MICB: variants seen among roughly 807,000 people sequenced by gnomAD.
The protein encoded by MICB is MHC class I antigen-related protein B.
In MICB, 27 loss-of-function variants were observed where a neutral mutation model predicts 34.3. The observed-to-expected ratio is 0.79, with a 90% CI of 0.58 to 1.08. MICB has a LOEUF of 1.08. Among genes scored for constraint, MICB ranks in the 50% least tolerant of loss-of-function variants. The probability of loss-of-function intolerance (pLI) is 0.00; values close to 1 mark genes in which losing one functional copy is unlikely to be tolerated. For synonymous variants in MICB, 153 were observed against 187.4 expected, an observed-to-expected ratio of 0.82 and a Z score of 1.50; for missense variants, 426 against 483.1, an observed-to-expected ratio of 0.88 and a Z score of 1.11.
chr6:31,498,206 C>A lies in MICB; in HGVS notation c.13C>A (p.Arg5=). 6.3e-7 allele frequency: 1 copy of A among 1,584,386 alleles called. No individual in the cohort carries two copies. Among genetic ancestry groups the A allele is most frequent in the East Asian group, 2.5e-5 (1 of 40,444 alleles). Residue 5 remains arginine (R), a synonymous_variant, in exon 1 of 6, where the codon CGG becomes AGG. Transcript: ENST00000252229. MGLG[R]VLLFLAVAFP... ...CGACGTAGGGGCCATGGGGCTGGGCCGGGTCCTGCTGTTTCTGGCCGTCGC... is the reference window on the plus strand; with the variant it reads ...CGACGTAGGGGCCATGGGGCTGGGCAGGGTCCTGCTGTTTCTGGCCGTCGC...
rs764262714 is a variant in MICB, at chr6:31,498,245, C to T, written c.52C>T (p.Pro18Ser). ...TCTGGCCGTCGCCTTCCCTTTTGCA[C>T]CCCCGGCAGCCGCCGCTGGTGAGTG... ...LFLAVAFPFAPPAAAAEPHSL... is the reference protein window; with the variant it reads ...LFLAVAFPFASPAAAAEPHSL... Residue 18 changes from proline (P) to serine (S), a missense_variant, in exon 1 of 6, where the codon CCC (proline) becomes TCC (serine). Pro to Ser is a moderately conservative substitution (Grantham distance 74). Coordinates refer to ENST00000252229, the MANE Select transcript of MICB (RefSeq NM_005931.5). The T allele has an allele frequency of 1.2e-5, 19 of 1,575,894 alleles. No individual in the cohort carries two copies. The highest frequency in any genetic ancestry group is 1.6e-5 in the Non-Finnish European group (19 of 1,158,962).
In MICB at chr6:31,507,678, C is replaced by G; in HGVS notation, c.1024+147C>G. On this transcript the variant is annotated intron_variant, in intron 5 of 5. Transcript: ENST00000252229. The surrounding 1 kb of genome is among the most constrained non-coding windows in gnomAD (Gnocchi z 6.0). ...GGGGTATTTGGGAGGGGAATGGGAGCTGCATCTCCATCTACACCCATAAGT... is the reference window on the plus strand; with the variant it reads ...GGGGTATTTGGGAGGGGAATGGGAGGTGCATCTCCATCTACACCCATAAGT... 1.0e-6 allele frequency: 1 copy of G among 964,796 alleles called. No homozygotes were observed. Among genetic ancestry groups the G allele is most frequent in the Non-Finnish European group, 1.5e-6 (1 of 652,476 alleles). The allele number at this position is 964,796 out of a possible 1,614,324, so 59.8% of individuals were successfully genotyped here.
At chr6:31,498,895 C>T (rs1004849028) in intron 1 of MICB, among the ~76,000 whole-genome samples, 1 of 152,166 alleles carries the variant, frequency 6.6e-6, no homozygotes, top group Non-Finnish European at 1.5e-5. Context: ...TCTGAGGCCC[C>T]TGGGTTCCCG....
At chr6:31,505,931 G>A in intron 2 of MICB, 60 bp downstream of exon 2, 1 of 1,530,680 alleles carries the variant, frequency 6.5e-7, no homozygotes, top group Middle Eastern at 1.7e-4. Flanking sequence ...TGGAGACAGA[G>A]AGCAGGGACC....
At position 31,506,340 on chromosome 6, in the gene MICB, A is replaced by G. The variant is rs754021720; in HGVS notation, c.523A>G (p.Lys175Glu). 1 of 1,614,072 alleles carries G rather than the reference A, an allele frequency of 6.2e-7. No homozygotes were observed. The highest frequency in any genetic ancestry group is 1.3e-5 in the African/African-American group (1 of 74,914). Residue 175 changes from lysine to glutamate, a missense_variant, in exon 3 of 6, where the codon AAG (lysine) becomes GAG (glutamate). By Grantham distance (56) the Lys-to-Glu change is moderately conservative. Coordinates refer to ENST00000252229, the MANE Select transcript of MICB (RefSeq NM_005931.5). ...VTNFWKEDAM[K>E]TKTHYRAMQA... ...AAATTTCTGGAAGGAAGATGCCATGAAGACCAAGACACACTATCGCGCTAT... is the reference window on the plus strand; with the variant it reads ...AAATTTCTGGAAGGAAGATGCCATGGAGACCAAGACACACTATCGCGCTAT...
chr6:31,506,064 C>T (rs886687202), intron 2 of MICB, 79 bp from the exon 3 acceptor site: 9 of 1,508,808 alleles, frequency 6.0e-6, no homozygotes, highest in African/African-American at 4.2e-5. Context: ...AGGGAGGGGT[C>T]GCTGCTGGGC....
Position 31,503,949 on chromosome 6 carries a change from CTG to C in MICB, c.71-1631_71-1630del, listed in dbSNP as rs9279324. Reference sequence around the variant, plus strand: ...TTTCTCTACCTCCTTGCCAAACTTGCTGTGTGTGTGTGTGTGTGTGTGTGTGT... The same window carrying C: ...TTTCTCTACCTCCTTGCCAAACTTGCTGTGTGTGTGTGTGTGTGTGTGTGT... On this transcript the variant is annotated intron_variant, in intron 1 of 5. Coordinates refer to ENST00000252229, the MANE Select transcript of MICB (RefSeq NM_005931.5). Among the ~76,000 whole-genome samples, 121 of 97,560 alleles carry C rather than the reference CTG, an allele frequency of 1.2e-3. 1 individual carries two copies. Among genetic ancestry groups the C allele is most frequent in the South Asian group, 8.3e-3 (24 of 2,896 alleles). 64.0% of individuals were successfully genotyped at this position (97,560 alleles called of 152,430 possible). A position where few individuals can be genotyped will look rare whatever the true frequency, so the allele number is the denominator to read the frequency against.
chr6:31,507,586 G>T lies in MICB; in HGVS notation c.1024+55G>T. 1.2e-6 allele frequency: 2 copies of T among 1,606,006 alleles called. No individual in the cohort carries two copies. Among genetic ancestry groups the T allele is most frequent in the Admixed American group, 1.7e-5 (1 of 59,694 alleles). Reference sequence around the variant, plus strand: ...GGAAAGCTCCTTTCTAGGCAGTAGGGTCTCCTCATTGCTCCTGCCCAGACA... The same window carrying T: ...GGAAAGCTCCTTTCTAGGCAGTAGGTTCTCCTCATTGCTCCTGCCCAGACA... On this transcript the variant is annotated intron_variant, in intron 5 of 5. Transcript: ENST00000252229. This position sits in a 1 kb window ranked among gnomAD's most constrained non-coding sequence, Gnocchi z 6.0.
At position 31,500,582 on chromosome 6, in the gene MICB, G is replaced by A. The variant is rs146420414; in HGVS notation, c.70+2319G>A. 1.1e-4 allele frequency among the ~76,000 whole-genome samples: 17 copies of A among 151,816 alleles called. No individual in the cohort carries two copies. The East Asian group carries it at 2.3e-3, about 21-fold the overall frequency. ...ATATTTTTGTACCCATTAACCATCC[G>A]CACTCCCCCACTCCCCACTACCCTT... On this transcript the variant is annotated intron_variant, in intron 1 of 5. Transcript: ENST00000252229.
chr6:31,509,760 T>G (rs1765560903), intron 5 of MICB, 22 bp from the exon 6 acceptor site: 1 of 1,596,224 alleles, frequency 6.3e-7, no homozygotes, highest in Non-Finnish European at 8.5e-7. Flanking sequence ...GTGGAGCATT[T>G]ACCCGTTTCC....
rs1289203103 is a variant in MICB, at chr6:31,505,802, A to T, written c.256A>T (p.Thr86Ser). The T allele has an allele frequency of 1.2e-6, 2 of 1,613,242 alleles. No individual in the cohort carries two copies. The highest frequency in any genetic ancestry group is 2.2e-5 in the South Asian group (2 of 91,082). ...GGGAGCTAAGACCTGGGACACAGAG[A>T]CCGAGGACTTGACAGAGAATGGGCA... ...VLGAKTWDTE[T>S]EDLTENGQDL... Residue 86 changes from threonine (T) to serine (S), a missense_variant, in exon 2 of 6, where the codon ACC becomes TCC. Coordinates refer to ENST00000252229, the MANE Select transcript of MICB (RefSeq NM_005931.5).
At chr6:31,506,879 C>T (rs1032461822) in intron 3 of MICB, 143 bp from the exon 4 acceptor site, 136 of 1,364,286 alleles carry the variant, frequency 1.0e-4, no homozygotes, top group Non-Finnish European at 1.3e-4. Flanking sequence ...GAATTAGGCC[C>T]CAGGGTGAGG....
intron 1 of MICB, among the ~76,000 whole-genome samples, chr6:31,499,550 G>A (rs1302797344): frequency 1.3e-5 from 2 of 151,740 alleles, no homozygotes; most frequent in African/African-American, 4.8e-5. Context: ...CTTTTGTCCG[G>A]GGGGGTCTTC....
chr6:31,507,450 G>A lies in MICB; in HGVS notation c.943G>A (p.Ala315Thr). 1.2e-6 allele frequency: 2 copies of A among 1,614,138 alleles called. No homozygotes were observed. Among genetic ancestry groups the A allele is most frequent in the Non-Finnish European group, 1.7e-6 (2 of 1,180,018 alleles). The change falls in exon 5 of 6, where the codon GCT becomes ACT. Residue 315 changes from alanine to threonine, a missense_variant. Physicochemically the swap from Ala to Thr is moderately conservative, Grantham distance 58. Transcript: ENST00000252229. The surrounding 1 kb of genome is among the most constrained non-coding windows in gnomAD (Gnocchi z 6.0). Reference sequence around the variant, plus strand: ...ACGGACAGACTTTCCATATGTTTCTGCTGCTATGCCATGTTTTGTTATTAT... The same window carrying A: ...ACGGACAGACTTTCCATATGTTTCTACTGCTATGCCATGTTTTGTTATTAT... ...SQRTDFPYVS[A>T]AMPCFVIIII...
At chr6:31,508,843 A>T (rs537872148) in intron 5 of MICB, among the ~76,000 whole-genome samples, 1 of 152,322 alleles carries the variant, frequency 6.6e-6, no homozygotes, top group Admixed American at 6.5e-5. Context: ...AAGCATATTA[A>T]ATAAAACAGG....
chr6:31,505,202 C>A (rs1168157372), intron 1 of MICB, among the ~76,000 whole-genome samples: 1 of 133,636 alleles, frequency 7.5e-6, no homozygotes, highest in Non-Finnish European at 1.8e-5. Context: ...CTCACCCTCA[C>A]CTGTGCACCA....
At chr6:31,503,344 A>G (rs906813478) in intron 1 of MICB, among the ~76,000 whole-genome samples, 2 of 152,232 alleles carry the variant, frequency 1.3e-5, no homozygotes, top group Non-Finnish European at 2.9e-5. Context: ...TAAATTATAC[A>G]TTACATACAT....
chr6:31,498,244 AC>A lies in MICB; in HGVS notation c.56del (p.Pro19ArgfsTer71). 6.4e-7 allele frequency: 1 copy of A among 1,568,372 alleles called. No individual in the cohort carries two copies. ...LFLAVAFPFA[P>X]PAAAAEPHSL... Reference sequence around the variant, plus strand: ...TTCTGGCCGTCGCCTTCCCTTTTGCACCCCCGGCAGCCGCCGCTGGTGAGTG... The same window carrying A: ...TTCTGGCCGTCGCCTTCCCTTTTGCACCCCGGCAGCCGCCGCTGGTGAGTG... On this transcript the variant is annotated frameshift_variant, in exon 1 of 6. Transcript: ENST00000252229. LOFTEE classifies it high-confidence loss of function.
At chr6:31,503,949 C>CTGTGTGTGTGTGTGTGTG (rs9279324) in intron 1 of MICB, among the ~76,000 whole-genome samples, 2 of 97,524 alleles carry the variant, frequency 2.1e-5, no homozygotes, top group Non-Finnish European at 2.1e-5. Context: ...GCCAAACTTG[C>CTGTGTGTGTGTGTGTGTG]TGTGTGTGTG....
Sources: allele counts gnomAD v4.1 joint callset (sites outside exome capture counted in the v4.1 genomes callset), GRCh38; gene constraint gnomAD v4.1.1; non-coding constraint Gnocchi (gnomAD v3.1); transcripts MANE v1.5; gene names NCBI Gene and HGNC (gene_info 2026-07-23, HGNC 2026-07-21).